The following TAF5 variants were observed in gnomAD, a reference collection of about 807,000 sequenced individuals.
TAF5 encodes the protein TATA-box binding protein associated factor 5.
Under a neutral mutation model 80.9 loss-of-function variants are expected in TAF5, and 20 were observed. The observed-to-expected ratio is 0.25, with a 90% CI of 0.17 to 0.36. The LOEUF (loss-of-function observed/expected upper bound fraction) is 0.36. TAF5 is among the 10% of genes least tolerant of loss of function. TAF5 has a pLI of 1.00. For missense variants in TAF5, 863 were observed against 1,029.4 expected (o/e 0.84, Z 2.21); for synonymous variants, 388 against 406.4 (o/e 0.95, Z 0.55).
At chr10:103,377,716 G>C (rs926099142) in intron 2 of TAF5, among the ~76,000 whole-genome samples, 3 of 152,134 alleles carry the variant, frequency 2.0e-5, no homozygotes, top group Admixed American at 6.5e-5. Flanking sequence ...AATAAATATA[G>C]GAAATCATTA....
At chr10:103,375,105 G>A (rs1408752084) in intron 2 of TAF5, among the ~76,000 whole-genome samples, 1 of 136,628 alleles carries the variant, frequency 7.3e-6, no homozygotes, top group African/African-American at 2.6e-5. Context: ...GATGACAAGA[G>A]TGAGACCCTG....
At chr10:103,370,617 G>A (rs537278718) in intron 1 of TAF5, among the ~76,000 whole-genome samples, 1 of 152,066 alleles carries the variant, frequency 6.6e-6, no homozygotes, top group South Asian at 2.1e-4. Flanking sequence ...GTGAGCCACC[G>A]TGCCCGGCCA....
chr10:103,376,619 T>C (rs1366790019), intron 2 of TAF5, among the ~76,000 whole-genome samples: 1 of 151,750 alleles, frequency 6.6e-6, no homozygotes, highest in African/African-American at 2.4e-5. Context: ...ACAGAACTTC[T>C]ACCCTAGAAG....
Position 103,378,175 on chromosome 10 carries a change from G to T in TAF5, c.798-60G>T. On this transcript the variant is annotated intron_variant, in intron 2 of 10. Coordinates refer to ENST00000369839, the MANE Select transcript of TAF5 (RefSeq NM_006951.5). This position sits in a 1 kb window ranked among gnomAD's most constrained non-coding sequence, Gnocchi z 4.1. ...CTGGGATGGTTTATAAGTATATGGG[G>T]GAAAGGCAGATCCCTTAATGATTAC... The T allele has an allele frequency of 6.9e-7, 1 of 1,459,462 alleles. No individual in the cohort carries two copies. 90.4% of individuals were successfully genotyped at this position (1,459,462 alleles called of 1,614,324 possible). A position where few individuals can be genotyped will look rare whatever the true frequency, so the allele number is the denominator to read the frequency against.
At chr10:103,377,979 T>G (rs2093373548) in intron 2 of TAF5, among the ~76,000 whole-genome samples, 1 of 152,210 alleles carries the variant, frequency 6.6e-6, no homozygotes. Flanking sequence ...ATTTTTCACT[T>G]AGGATATTTA....
At chr10:103,373,167 A>C (rs1444836388) in intron 1 of TAF5, among the ~76,000 whole-genome samples, 191 bp from the exon 2 acceptor site, 1 of 151,674 alleles carries the variant, frequency 6.6e-6, no homozygotes, top group Non-Finnish European at 1.5e-5. Flanking sequence ...ACCGCCCTCC[A>C]GCCTGGCGAC....
intron 7 of TAF5, among the ~76,000 whole-genome samples, chr10:103,383,770 G>A (rs1373919125): frequency 6.6e-6 from 1 of 151,820 alleles, no homozygotes; most frequent in Non-Finnish European, 1.5e-5. Context: ...TAGAGATGGG[G>A]TTTCTCCATG....
intron 10 of TAF5, 137 bp from the exon 11 acceptor site, chr10:103,387,869 C>G (rs1377121915): frequency 1.8e-6 from 2 of 1,086,174 alleles, no homozygotes; most frequent in Non-Finnish European, 2.7e-6. Context: ...GATAATGCTC[C>G]TTAGGAAGGA....
intron 1 of TAF5, among the ~76,000 whole-genome samples, chr10:103,369,622 C>G (rs1281358710): frequency 6.7e-6 from 1 of 150,302 alleles, no homozygotes; most frequent in East Asian, 2.0e-4. Flanking sequence ...CTCTGCGTCC[C>G]AAAGTGCTGG....
chr10:103,368,822 C>G (rs1159571181), intron 1 of TAF5, among the ~76,000 whole-genome samples: 1 of 152,144 alleles, frequency 6.6e-6, no homozygotes, highest in Non-Finnish European at 1.5e-5. Context: ...GCTCTTGGTC[C>G]CTTTCCTTTC....
chr10:103,385,173 C>T (rs192547390), intron 7 of TAF5, among the ~76,000 whole-genome samples, 153 bp from the exon 8 acceptor site: 9 of 152,044 alleles, frequency 5.9e-5, no homozygotes, highest in African/African-American at 1.4e-4. Flanking sequence ...CTGTGAATTG[C>T]GTGTATGAAT....
chr10:103,380,054 A>C, intron 5 of TAF5, 35 bp downstream of exon 5: 2 of 1,601,788 alleles, frequency 1.2e-6, no homozygotes, highest in Non-Finnish European at 1.7e-6. Flanking sequence ...CTGCCTGGAG[A>C]GTCATGTAGG....
rs760608535 is a variant in TAF5, at chr10:103,373,350, T to C, written c.560-8T>C. ...CATTTTCTTAAAAGTTTTTTGTTTT[T>C]TAAATAGTTGGAAGTGTTGCTGTGG... On this transcript the variant is annotated splice_region_variant and splice_polypyrimidine_tract_variant and intron_variant, in intron 1 of 10. Coordinates refer to ENST00000369839, the MANE Select transcript of TAF5 (RefSeq NM_006951.5). The C allele has an allele frequency of 6.2e-7, 1 of 1,610,658 alleles. No individual in the cohort carries two copies. The highest frequency in any genetic ancestry group is 8.5e-7 in the Non-Finnish European group (1 of 1,179,016).
intron 5 of TAF5, among the ~76,000 whole-genome samples, chr10:103,381,464 A>T (rs549605181): frequency 6.6e-6 from 1 of 151,806 alleles, no homozygotes; most frequent in South Asian, 2.1e-4. Flanking sequence ...ATGGGGTTTC[A>T]CCATGTTGGC....
intron 1 of TAF5, among the ~76,000 whole-genome samples, chr10:103,370,325 CTTTTTTT>C (rs758002426): frequency 6.7e-5 from 6 of 88,946 alleles, no homozygotes; most frequent in Non-Finnish European, 8.8e-5. Context: ...GGTTATGAGG[CTTTTTTT>C]TTTTTTTTTT....
intron 2 of TAF5, among the ~76,000 whole-genome samples, chr10:103,376,371 G>A (rs2093370058): frequency 6.6e-6 from 1 of 152,058 alleles, no homozygotes; most frequent in African/African-American, 2.4e-5. Flanking sequence ...GATTACAGGT[G>A]TGAGACACTG....
intron 6 of TAF5, among the ~76,000 whole-genome samples, chr10:103,383,004 C>G (rs2093386592): frequency 6.6e-6 from 1 of 152,130 alleles, no homozygotes; most frequent in Non-Finnish European, 1.5e-5. Context: ...AGTTTCAGTT[C>G]TGGTTCCCAC....
At chr10:103,373,237 GAC>G in intron 1 of TAF5, 119 bp from the exon 2 acceptor site, 1 of 755,504 alleles carries the variant, frequency 1.3e-6, no homozygotes, top group Non-Finnish European at 2.2e-6. Flanking sequence ...TTGAGGAAGA[GAC>G]AGTGGGAAGA....
At chr10:103,373,160 G>A (rs965411895) in intron 1 of TAF5, among the ~76,000 whole-genome samples, 198 bp from the exon 2 acceptor site, 9 of 149,484 alleles carry the variant, frequency 6.0e-5, no homozygotes, top group African/African-American at 1.2e-4. Context: ...TCTCCCCACC[G>A]CCCTCCAGCC....
Sources: allele counts gnomAD v4.1 joint callset (sites outside exome capture counted in the v4.1 genomes callset), GRCh38; gene constraint gnomAD v4.1.1; non-coding constraint Gnocchi (gnomAD v3.1); transcripts MANE v1.5; gene names NCBI Gene and HGNC (gene_info 2026-07-23, HGNC 2026-07-21).